Variants in ABCB5 observed in about 807,000 individuals in gnomAD.
ABCB5 encodes ATP binding cassette subfamily B member 5.
ABCB5 carries 155 observed loss-of-function variants against 144.2 expected under a neutral mutation model. The observed-to-expected ratio is 1.08, with a 90% confidence interval of 0.94 to 1.23. The LOEUF (loss-of-function observed/expected upper bound fraction) is 1.23. Among genes scored for constraint, ABCB5 ranks in the 50% most tolerant of loss-of-function variants. The probability of loss-of-function intolerance (pLI) is 0.00; values close to 1 mark genes in which losing one functional copy is unlikely to be tolerated. For synonymous variants in ABCB5, 610 were observed against 528.6 expected, an observed-to-expected ratio of 1.15 and a Z score of -2.11; for missense variants, 1,830 against 1,520.8, an observed-to-expected ratio of 1.20 and a Z score of -3.38.
At chr7:20,641,068 C>T (rs7810173) in intron 5 of ABCB5, among the ~76,000 whole-genome samples, 11,497 of 152,170 alleles carry the variant, frequency 0.076, 1,308 homozygotes, top group African/African-American at 0.24. Context: ...TAGACCCCCT[C>T]TCTCGTGCTT....
chr7:20,706,613 G>A (rs1383378684), intron 20 of ABCB5, among the ~76,000 whole-genome samples: 2 of 152,160 alleles, frequency 1.3e-5, no homozygotes, highest in Non-Finnish European at 2.9e-5. Context: ...ATAACTTCTA[G>A]ACAAGTCAAA....
intron 23 of ABCB5, among the ~76,000 whole-genome samples, chr7:20,729,288 T>C (rs1287127361): frequency 6.6e-6 from 1 of 152,370 alleles, no homozygotes; most frequent in Admixed American, 6.5e-5. Flanking sequence ...GGGCAAAATA[T>C]GCCTTCTTGT....
chr7:20,633,928 G>T (rs747099864), intron 5 of ABCB5, among the ~76,000 whole-genome samples: 1 of 151,968 alleles, frequency 6.6e-6, no homozygotes, highest in Non-Finnish European at 1.5e-5. Context: ...TGGATATATT[G>T]CATAGTGGTG....
intron 14 of ABCB5, among the ~76,000 whole-genome samples, chr7:20,668,981 G>C (rs200728332): frequency 9.1e-6 from 1 of 109,978 alleles, no homozygotes; most frequent in African/African-American, 3.7e-5. Context: ...AGGTGGGGGG[G>C]TCAGCCCCCC....
chr7:20,621,918 C>G (rs1053023639), intron 1 of ABCB5, among the ~76,000 whole-genome samples: 1 of 152,060 alleles, frequency 6.6e-6, no homozygotes, highest in African/African-American at 2.4e-5. Flanking sequence ...TATACAGACA[C>G]TATGGCTCTT....
intron 23 of ABCB5, 114 bp from the exon 24 acceptor site, chr7:20,738,869 C>A (rs1043879560): frequency 1.7e-5 from 20 of 1,176,026 alleles, no homozygotes; most frequent in Non-Finnish European, 2.3e-5. Flanking sequence ...GTTAGGGGTG[C>A]CGTCTACATC....
At chr7:20,663,061 G>A (rs1378594697) in intron 14 of ABCB5, among the ~76,000 whole-genome samples, 1 of 152,140 alleles carries the variant, frequency 6.6e-6, no homozygotes, top group South Asian at 2.1e-4. Flanking sequence ...GCACAGGGAG[G>A]TTAAGTAATA....
chr7:20,656,171 T>C (rs1048656314), intron 13 of ABCB5, among the ~76,000 whole-genome samples: 2 of 152,208 alleles, frequency 1.3e-5, no homozygotes, highest in Non-Finnish European at 1.5e-5. Context: ...TTGTAAAGCG[T>C]AAACTTCAAA....
chr7:20,665,746 GAT>G lies in ABCB5; in HGVS notation c.1707+7072_1707+7073del, dbSNP rs1785158865. Among the ~76,000 whole-genome samples, 9 of 138,874 alleles carry G rather than the reference GAT, an allele frequency of 6.5e-5. No individual in the cohort carries two copies. The South Asian group carries it at 1.5e-3, about 23-fold the overall frequency. 91.1% of individuals were successfully genotyped at this position (138,874 alleles called of 152,430 possible). On this transcript the variant is annotated intron_variant, in intron 14 of 27. Coordinates refer to ENST00000404938, the MANE Select transcript of ABCB5 (RefSeq NM_001163941.2). ...GGAAAGATAGATAGATAGATAGATAGATAGATAGATAGATAGATAGAGATACA... is the reference window on the plus strand; with the variant it reads ...GGAAAGATAGATAGATAGATAGATAGAGATAGATAGATAGATAGAGATACA...
chr7:20,669,663 C>A (rs1785395367), intron 14 of ABCB5, among the ~76,000 whole-genome samples: 1 of 132,436 alleles, frequency 7.6e-6, no homozygotes, highest in Non-Finnish European at 1.6e-5. Flanking sequence ...ACCTTCCCTC[C>A]ACTATTGTCC....
At chr7:20,727,171 C>G (rs760790471) in intron 22 of ABCB5, 31 bp downstream of exon 22, 1 of 1,558,252 alleles carries the variant, frequency 6.4e-7, no homozygotes, top group Non-Finnish European at 8.8e-7. Flanking sequence ...ACTTCAAAAA[C>G]TTAATTTTGT....
intron 20 of ABCB5, among the ~76,000 whole-genome samples, chr7:20,711,867 TC>T (rs1787082187): frequency 6.3e-5 from 2 of 31,858 alleles, no homozygotes; most frequent in Non-Finnish European, 1.1e-4. Flanking sequence ...CTTTCCTTCC[TC>T]CCTCCCTCCC....
chr7:20,666,026 C>T (rs111963752), intron 14 of ABCB5, among the ~76,000 whole-genome samples: 1,995 of 152,050 alleles, frequency 0.013, 36 homozygotes, highest in African/African-American at 0.044. Flanking sequence ...AAAAATTAGC[C>T]GGGCGTGGTG....
At chr7:20,646,249 C>G in intron 9 of ABCB5, 111 bp downstream of exon 9, 11 of 1,065,844 alleles carry the variant, frequency 1.0e-5, no homozygotes, top group Non-Finnish European at 1.5e-5. Context: ...TTTTATTAAA[C>G]AAATATTTGT....
chr7:20,631,580 T>C (rs932664326), intron 4 of ABCB5, among the ~76,000 whole-genome samples: 4 of 152,170 alleles, frequency 2.6e-5, no homozygotes, highest in Admixed American at 2.6e-4. Context: ...ACTTATAACC[T>C]TTAAACATTG....
chr7:20,651,324 T>C lies in ABCB5; in HGVS notation c.1333-96T>C, dbSNP rs1285154167. 4 of 1,069,376 alleles carry C rather than the reference T, an allele frequency of 3.7e-6. No individual in the cohort carries two copies. In the Admixed American group the frequency reaches 7.0e-5, roughly 19 times the overall value. The allele number at this position is 1,069,376 out of a possible 1,614,324, so 66.2% of individuals were successfully genotyped here. ...TAGTCAGTCTTTGATTTCTAAAATA[T>C]GCTACTTCTCAGCTTATATTTTGGT... On this transcript the variant is annotated intron_variant, in intron 12 of 27. Transcript: ENST00000404938.
rs529378223 is a variant in ABCB5 at position 20,628,685 on chromosome 7, C to T, written c.109-3C>T. On this transcript the variant is annotated splice_polypyrimidine_tract_variant and splice_region_variant and intron_variant, in intron 3 of 27. Transcript: ENST00000404938. ...TGGTGCTACCGTGCTTTGTTTTCCT[C>T]AGTTCCGCTTTGCTGATGGACTGGA... 1.4e-5 allele frequency: 23 copies of T among 1,611,000 alleles called. No individual in the cohort carries two copies. In the East Asian group the frequency reaches 4.9e-4, roughly 34 times the overall value.
At chr7:20,741,422 C>T (rs182296589) in intron 24 of ABCB5, among the ~76,000 whole-genome samples, 361 of 151,334 alleles carry the variant, frequency 2.4e-3, no homozygotes, top group South Asian at 3.8e-3. Flanking sequence ...GAGGGAAGTA[C>T]ACCAAAAAAA....
rs139913454 is a variant in ABCB5 at position 20,681,542 on chromosome 7, G to A, written c.1745G>A (p.Arg582Gln). The change falls in exon 15 of 28, where the codon CGA becomes CAA. Residue 582 changes from arginine to glutamine, a missense_variant. Arg to Gln is a conservative substitution (Grantham distance 43). Coordinates refer to ENST00000404938, the MANE Select transcript of ABCB5 (RefSeq NM_001163941.2). ...KGRTTIVVAHRLSTIRSADLI... is the reference protein window; with the variant it reads ...KGRTTIVVAHQLSTIRSADLI... ...CGGACTACAATCGTGGTAGCACACCGACTTTCTACTATTCGAAGTGCAGAT... is the reference window on the plus strand; with the variant it reads ...CGGACTACAATCGTGGTAGCACACCAACTTTCTACTATTCGAAGTGCAGAT... The A allele has an allele frequency of 9.9e-5, 160 of 1,614,162 alleles. No homozygotes were observed. In the African/African-American group the frequency reaches 1.8e-3, roughly 18 times the overall value.
Sources: allele counts gnomAD v4.1 joint callset (sites outside exome capture counted in the v4.1 genomes callset), GRCh38; gene constraint gnomAD v4.1.1; transcripts MANE v1.5; gene names NCBI Gene and HGNC (gene_info 2026-07-23, HGNC 2026-07-21).